The following GNPTAB variants were observed in gnomAD, a reference collection of about 807,000 sequenced individuals.
GNPTAB encodes the protein N-acetylglucosamine-1-phosphate transferase subunits alpha and beta.
In GNPTAB, 92 loss-of-function variants were observed where a neutral mutation model predicts 136.6. The ratio of observed to expected loss-of-function variants is 0.67; its 90% CI spans 0.57 to 0.80. The LOEUF (loss-of-function observed/expected upper bound fraction) is 0.80, where lower values mean the gene tolerates loss of function less well. GNPTAB is among the 30% of genes least tolerant of loss of function. GNPTAB has a pLI of 0.00. For synonymous variants in GNPTAB, 512 were observed against 535.1 expected (o/e 0.96, Z 0.60); for missense variants, 1,343 against 1,501.8 (o/e 0.89, Z 1.75).
chr12:101,807,615 T>C (rs1408082729), intron 1 of GNPTAB, among the ~76,000 whole-genome samples: 1 of 152,022 alleles, frequency 6.6e-6, no homozygotes, highest in Non-Finnish European at 1.5e-5. Context: ...TAAGCAAATA[T>C]AGTAAGACTG....
chr12:101,794,804 T>C (rs778910958), intron 2 of GNPTAB, among the ~76,000 whole-genome samples: 12 of 151,874 alleles, frequency 7.9e-5, no homozygotes, highest in Non-Finnish European at 1.5e-4. Context: ...TGGTGACTCA[T>C]CCCTTTAATC....
chr12:101,825,315 G>T (rs1871033803), intron 1 of GNPTAB, among the ~76,000 whole-genome samples: 1 of 152,162 alleles, frequency 6.6e-6, no homozygotes, highest in African/African-American at 2.4e-5. Flanking sequence ...CAGATTTTTA[G>T]AGAAAGTTAC....
chr12:101,788,630 T>C (rs1157383397), intron 3 of GNPTAB, 41 bp from the exon 4 acceptor site: 1 of 998,458 alleles, frequency 1.0e-6, no homozygotes, highest in Admixed American at 1.7e-5. Flanking sequence ...ACATATGGGC[T>C]ACTATACCTC....
rs368835242 is a variant in GNPTAB at position 101,753,312 on chromosome 12, G to C, written c.3602+60C>G. On this transcript the variant is annotated intron_variant, in intron 19 of 20. Coordinates refer to ENST00000299314, the MANE Select transcript of GNPTAB (RefSeq NM_024312.5). ...AAAAACATTTCATCACTAACATATA[G>C]ATACATATGCATGTATACACTCACC... 64 of 1,183,054 alleles carry C rather than the reference G, an allele frequency of 5.4e-5. No homozygotes were observed. The African/African-American group carries it at 8.8e-4, about 16-fold the overall frequency. 73.3% of individuals were successfully genotyped at this position (1,183,054 alleles called of 1,614,324 possible).
chr12:101,820,066 C>A (rs1016649114), intron 1 of GNPTAB, among the ~76,000 whole-genome samples: 10 of 152,158 alleles, frequency 6.6e-5, no homozygotes, highest in Non-Finnish European at 1.0e-4. Context: ...GGAAAACAAT[C>A]CTGAGATGGG....
intron 4 of GNPTAB, among the ~76,000 whole-genome samples, chr12:101,786,824 A>G (rs1190128309): frequency 6.6e-6 from 1 of 152,244 alleles, no homozygotes; most frequent in Non-Finnish European, 1.5e-5. Flanking sequence ...ATAACCAGTT[A>G]AACAGTATAA....
chr12:101,827,778 A>T (rs1871170079), intron 1 of GNPTAB, among the ~76,000 whole-genome samples: 1 of 152,146 alleles, frequency 6.6e-6, no homozygotes, highest in African/African-American at 2.4e-5. Flanking sequence ...CAGCCTGGCC[A>T]ACATGGTGAA....
chr12:101,815,614 C>A (rs1468825135), intron 1 of GNPTAB, among the ~76,000 whole-genome samples: 1 of 100,926 alleles, frequency 9.9e-6, no homozygotes, highest in South Asian at 3.4e-4. Flanking sequence ...CATAGCAAGA[C>A]CCTGTTCCAA....
intron 7 of GNPTAB, among the ~76,000 whole-genome samples, chr12:101,775,104 G>A (rs1953242341): frequency 6.6e-6 from 1 of 152,142 alleles, no homozygotes; most frequent in African/African-American, 2.4e-5. Context: ...AACTGTGAAT[G>A]GTGCAAAGGT....
At chr12:101,802,199 T>TAAAAAAAAAAA (rs112485347) in intron 1 of GNPTAB, among the ~76,000 whole-genome samples, 1 of 108,208 alleles carries the variant, frequency 9.2e-6, no homozygotes. Flanking sequence ...CCCTGTCTCT[T>TAAAAAAAAAAA]AAAAAAAAAA....
chr12:101,787,506 T>C (rs571345838), intron 4 of GNPTAB, among the ~76,000 whole-genome samples: 1 of 152,174 alleles, frequency 6.6e-6, no homozygotes. Context: ...TCAATCTTTC[T>C]TCATGTTGCA....
At chr12:101,828,472 A>G (rs1871214824) in intron 1 of GNPTAB, among the ~76,000 whole-genome samples, 1 of 152,200 alleles carries the variant, frequency 6.6e-6, no homozygotes, top group Non-Finnish European at 1.5e-5. Context: ...AGTCTGGCCA[A>G]CATAGTGAAA....
intron 1 of GNPTAB, among the ~76,000 whole-genome samples, chr12:101,803,401 C>T (rs754741566): frequency 5.9e-5 from 9 of 152,180 alleles, no homozygotes; most frequent in Non-Finnish European, 1.3e-4. Flanking sequence ...TTTCTAATCA[C>T]ATTCGATTAA....
At chr12:101,793,161 CCTAA>C (rs1353645145) in intron 2 of GNPTAB, among the ~76,000 whole-genome samples, 5 of 152,112 alleles carry the variant, frequency 3.3e-5, no homozygotes, top group East Asian at 1.9e-4. Context: ...ATATTTATTG[CCTAA>C]CTATTAGTTC....
At position 101,750,815 on chromosome 12, in the gene GNPTAB, T is replaced by C. The variant is rs117317773; in HGVS notation, c.3603-1624A>G. Among the ~76,000 whole-genome samples, 299 of 152,332 alleles carry C rather than the reference T, an allele frequency of 2.0e-3. 1 individual carries two copies. Among genetic ancestry groups the C allele is most frequent in the Non-Finnish European group, 3.2e-3 (217 of 68,020 alleles). On this transcript the variant is annotated intron_variant, in intron 19 of 20. Coordinates refer to ENST00000299314, the MANE Select transcript of GNPTAB (RefSeq NM_024312.5). ...TTGTCTCATTTGCCCAACTCCAAGA[T>C]ACCGAGGAGTTCTAGTGCCAGGGTC...
chr12:101,787,913 C>CA (rs34261197), intron 4 of GNPTAB, among the ~76,000 whole-genome samples: 89,615 of 126,894 alleles, frequency 0.71, 32,775 homozygotes, highest in Admixed American at 0.82. Flanking sequence ...AACTCCGTCT[C>CA]AAAAAAAAAA....
chr12:101,828,703 A>AC (rs199825102), intron 1 of GNPTAB, among the ~76,000 whole-genome samples: 3,766 of 152,040 alleles, frequency 0.025, 153 homozygotes, highest in African/African-American at 0.085. Flanking sequence ...AAACAAACAA[A>AC]AAAAAAAGCA....
chr12:101,825,600 G>A (rs941134234), intron 1 of GNPTAB, among the ~76,000 whole-genome samples: 1 of 152,150 alleles, frequency 6.6e-6, no homozygotes. Context: ...TACTTTGATA[G>A]TTAGCTGGAC....
At chr12:101,827,939 C>T (rs1360692914) in intron 1 of GNPTAB, among the ~76,000 whole-genome samples, 2 of 152,036 alleles carry the variant, frequency 1.3e-5, no homozygotes, top group African/African-American at 2.4e-5. Flanking sequence ...TGCACTCCAG[C>T]GTGGGCAAGA....
Sources: allele counts gnomAD v4.1 joint callset (sites outside exome capture counted in the v4.1 genomes callset), GRCh38; gene constraint gnomAD v4.1.1; transcripts MANE v1.5; gene names NCBI Gene and HGNC (gene_info 2026-07-23, HGNC 2026-07-21).